TARBP1: variants seen among roughly 807,000 people sequenced by gnomAD.
TARBP1 encodes the protein tRNA (guanosine(18)-2'-O)-methyltransferase TARBP1.
TARBP1 carries 144 observed loss-of-function variants against 178.6 expected under a neutral mutation model. That is an observed-to-expected ratio of 0.81 (90% CI 0.70 to 0.93). The LOEUF (loss-of-function observed/expected upper bound fraction) is 0.93. Among genes scored for constraint, TARBP1 ranks in the 40% least tolerant of loss-of-function variants. The pLI, the probability that TARBP1 is intolerant of heterozygous loss-of-function variation, is 0.00. For missense variants in TARBP1, 2,067 were observed against 2,011.7 expected (o/e 1.03, Z -0.53); for synonymous variants, 787 against 781.0 (o/e 1.01, Z -0.13).
At chr1:234,453,884 T>C (rs1190162553) in intron 9 of TARBP1, among the ~76,000 whole-genome samples, 2 of 152,128 alleles carry the variant, frequency 1.3e-5, no homozygotes, top group African/African-American at 4.8e-5. Flanking sequence ...CTGTGGGAGA[T>C]GTGCAATACA....
intron 12 of TARBP1, among the ~76,000 whole-genome samples, chr1:234,442,249 C>G (rs1410067034): frequency 6.6e-6 from 1 of 152,116 alleles, no homozygotes; most frequent in African/African-American, 2.4e-5. Context: ...TGGATTTCAT[C>G]AGAATAAAAA....
chr1:234,458,040 ATTAC>A (rs200479659), intron 8 of TARBP1, among the ~76,000 whole-genome samples: 5,241 of 152,006 alleles, frequency 0.034, 124 homozygotes, highest in Non-Finnish European at 0.044. Flanking sequence ...ATAAGAAGAA[ATTAC>A]TTTCAATCAA....
intron 4 of TARBP1, among the ~76,000 whole-genome samples, chr1:234,466,347 A>C (rs979481098): frequency 6.6e-6 from 1 of 151,960 alleles, no homozygotes. Flanking sequence ...CCCTGTCTCT[A>C]CTAAAATTAC....
chr1:234,421,443 G>A (rs533855083), intron 20 of TARBP1, among the ~76,000 whole-genome samples: 2 of 152,252 alleles, frequency 1.3e-5, no homozygotes, highest in South Asian at 2.1e-4. Flanking sequence ...GGGTTCCAGG[G>A]GCGAAAAGAG....
In TARBP1 at chr1:234,418,227, A is replaced by G; in HGVS notation, c.3562T>C (p.Leu1188=). The G allele has an allele frequency of 6.5e-7, 1 of 1,549,530 alleles. No individual in the cohort carries two copies. The highest frequency in any genetic ancestry group is 8.6e-7 in the Non-Finnish European group (1 of 1,161,056). The change falls in exon 22 of 30, where the codon TTG becomes CTG. Residue 1188 remains leucine, a synonymous_variant. Transcript: ENST00000040877. ...VLFPRLDQNF[L]NGIIDRIFQA... ...AAAATCCTGTCAATAATTCCATTCA[A>G]GAAATTCTGAGAAAAAAAGTTCACA...
intron 23 of TARBP1, 28 bp from the exon 24 acceptor site, chr1:234,406,127 A>C: frequency 1.2e-6 from 2 of 1,605,844 alleles, no homozygotes; most frequent in Non-Finnish European, 1.7e-6. Context: ...AAATTCCTCA[A>C]AACACAGACA....
At chr1:234,421,514 T>C (rs1241765997) in intron 20 of TARBP1, among the ~76,000 whole-genome samples, 2 of 116,746 alleles carry the variant, frequency 1.7e-5, no homozygotes, top group Admixed American at 8.0e-5. Flanking sequence ...ACTTCTCACC[T>C]TGTGCCCCCG....
At chr1:234,404,834 T>C (rs1191463105) in intron 24 of TARBP1, among the ~76,000 whole-genome samples, 1 of 152,244 alleles carries the variant, frequency 6.6e-6, no homozygotes, top group African/African-American at 2.4e-5. Context: ...CATTTTAGTA[T>C]TTATTTGTAT....
chr1:234,442,894 T>C (rs1665736733), intron 12 of TARBP1, among the ~76,000 whole-genome samples: 1 of 152,196 alleles, frequency 6.6e-6, no homozygotes, highest in Non-Finnish European at 1.5e-5. Context: ...GAACAGCCTC[T>C]ATCTCACCCT....
At chr1:234,477,501 A>G (rs1442831950) in intron 1 of TARBP1, among the ~76,000 whole-genome samples, 1 of 152,234 alleles carries the variant, frequency 6.6e-6, no homozygotes, top group African/African-American at 2.4e-5. Context: ...ATTTAACATG[A>G]GTGAAGTCAA....
rs1016627608 is a variant in TARBP1, at chr1:234,391,980, T to TA, written c.4698-236dup. Among the ~76,000 whole-genome samples, 56 of 152,082 alleles carry TA rather than the reference T, an allele frequency of 3.7e-4. 1 individual carries two copies. The highest frequency in any genetic ancestry group is 1.3e-3 in the African/African-American group (55 of 41,476). On this transcript the variant is annotated intron_variant, in intron 29 of 29. Coordinates refer to ENST00000040877, the MANE Select transcript of TARBP1 (RefSeq NM_005646.4). ...AGCTGGCCATGCCAGAGAGATGAAATAAAAGGAAAGCCCAGGGAGCTTCTT... is the reference window on the plus strand; with the variant it reads ...AGCTGGCCATGCCAGAGAGATGAAATAAAAAGGAAAGCCCAGGGAGCTTCTT...
chr1:234,444,411 A>C (rs1018407283), intron 12 of TARBP1, among the ~76,000 whole-genome samples: 5 of 152,250 alleles, frequency 3.3e-5, no homozygotes, highest in African/African-American at 1.2e-4. Context: ...TGGAAACATC[A>C]TTTTAGAAAA....
intron 20 of TARBP1, among the ~76,000 whole-genome samples, chr1:234,424,815 A>C (rs1371923237): frequency 6.6e-6 from 1 of 151,888 alleles, no homozygotes; most frequent in Non-Finnish European, 1.5e-5. Flanking sequence ...TAATCCCAGC[A>C]CTCTGGGAGG....
chr1:234,423,392 A>T (rs2103105193), intron 20 of TARBP1, among the ~76,000 whole-genome samples: 1 of 152,174 alleles, frequency 6.6e-6, no homozygotes, highest in East Asian at 1.9e-4. Flanking sequence ...TCCCATCTTT[A>T]AAAAGCCCCT....
chr1:234,446,798 C>T lies in TARBP1; in HGVS notation c.2134+5G>A. On this transcript the variant is annotated splice_donor_5th_base_variant and intron_variant, in intron 12 of 29. Transcript: ENST00000040877. Reference sequence around the variant, plus strand: ...AAGATACCAAGAGAAACAACTTATCCTCACCATCTTGGGCACTGGAACCTT... The same window carrying T: ...AAGATACCAAGAGAAACAACTTATCTTCACCATCTTGGGCACTGGAACCTT... The T allele has an allele frequency of 6.2e-7, 1 of 1,612,796 alleles. No individual in the cohort carries two copies. The highest frequency in any genetic ancestry group is 8.5e-7 in the Non-Finnish European group (1 of 1,179,480).
At chr1:234,434,780 G>A (rs953223090) in intron 13 of TARBP1, among the ~76,000 whole-genome samples, 1 of 151,568 alleles carries the variant, frequency 6.6e-6, no homozygotes, top group Non-Finnish European at 1.5e-5. Flanking sequence ...AAGGGGTCAG[G>A]GACAAGCTTT....
chr1:234,401,870 T>A (rs1438953603), intron 24 of TARBP1, among the ~76,000 whole-genome samples: 2 of 152,118 alleles, frequency 1.3e-5, no homozygotes, highest in Non-Finnish European at 2.9e-5. Flanking sequence ...GCCTCACACA[T>A]CACAGGAGAC....
chr1:234,459,104 A>T, intron 8 of TARBP1, 126 bp downstream of exon 8: 2 of 644,192 alleles, frequency 3.1e-6, no homozygotes, highest in South Asian at 4.2e-5. Flanking sequence ...TTACAAGCAC[A>T]TTTATTATTT....
At chr1:234,423,768 T>A (rs866717750) in intron 20 of TARBP1, among the ~76,000 whole-genome samples, 1 of 150,888 alleles carries the variant, frequency 6.6e-6, no homozygotes, top group Non-Finnish European at 1.5e-5. Context: ...TTTTTTTTTT[T>A]AGAGACGTAG....
Sources: gnomAD v4.1 joint callset for allele counts (sites outside exome capture counted in the v4.1 genomes callset) on GRCh38, gnomAD v4.1.1 for gene constraint, MANE v1.5 for transcripts, NCBI Gene and HGNC (gene_info 2026-07-23, HGNC 2026-07-21) for gene names.